KCNK2: variants seen among roughly 807,000 people sequenced by gnomAD.
The protein encoded by KCNK2 is potassium two pore domain channel subfamily K member 2.
KCNK2 carries 21 observed loss-of-function variants against 40.5 expected under a neutral mutation model. That is an observed-to-expected ratio of 0.52 (90% CI 0.37 to 0.75). The LOEUF is 0.75. Ranked by LOEUF, KCNK2 falls within the 30% of genes least tolerant of loss-of-function variation. The pLI is 0.00. For missense variants in KCNK2, 399 were observed against 531.6 expected (o/e 0.75, Z 2.45); for synonymous variants, 191 against 202.2 (o/e 0.94, Z 0.47).
chr1:215,199,185 G>A (rs1165696166), intron 6 of KCNK2, among the ~76,000 whole-genome samples: 8 of 151,950 alleles, frequency 5.3e-5, no homozygotes, highest in Admixed American at 5.2e-4. Context: ...GTGGGTGCCT[G>A]TAGTCCCAGC....
intron 1 of KCNK2, among the ~76,000 whole-genome samples, chr1:215,045,609 T>C (rs1269630220): frequency 6.6e-6 from 1 of 152,206 alleles, no homozygotes; most frequent in Non-Finnish European, 1.5e-5. Context: ...CCTTGTTTGG[T>C]TTGATAGACA....
intron 1 of KCNK2, among the ~76,000 whole-genome samples, chr1:215,077,233 G>T (rs950546273): frequency 6.6e-6 from 1 of 152,146 alleles, no homozygotes; most frequent in Non-Finnish European, 1.5e-5. Flanking sequence ...GTATGAGAAG[G>T]GGTGGTAAGT....
chr1:215,186,774 T>A (rs1664455002), intron 5 of KCNK2, among the ~76,000 whole-genome samples: 1 of 152,166 alleles, frequency 6.6e-6, no homozygotes, highest in African/African-American at 2.4e-5. Flanking sequence ...CGATGGCACT[T>A]TCTGTTCTCT....
intron 1 of KCNK2, among the ~76,000 whole-genome samples, chr1:215,044,646 TATA>T (rs1657680521): frequency 6.6e-6 from 1 of 152,144 alleles, no homozygotes. Flanking sequence ...TATCACCGGT[TATA>T]ATACCATGCA....
chr1:215,121,447 G>C (rs1231052931), intron 2 of KCNK2, among the ~76,000 whole-genome samples: 2 of 152,068 alleles, frequency 1.3e-5, no homozygotes, highest in East Asian at 3.9e-4. Flanking sequence ...CTAATTTTTT[G>C]TATTTCTTGT....
chr1:215,154,591 C>A (rs1182847779), intron 3 of KCNK2, among the ~76,000 whole-genome samples: 1 of 151,984 alleles, frequency 6.6e-6, no homozygotes, highest in Non-Finnish European at 1.5e-5. Flanking sequence ...TTAATTATAT[C>A]TCATTTGTCA....
At chr1:215,106,383 G>A (rs1282551749) in intron 2 of KCNK2, among the ~76,000 whole-genome samples, 1 of 152,016 alleles carries the variant, frequency 6.6e-6, no homozygotes, top group Admixed American at 6.6e-5. Flanking sequence ...TCCCTTGTAT[G>A]TCTTCTTTTG....
intron 6 of KCNK2, among the ~76,000 whole-genome samples, chr1:215,196,773 C>A (rs1664884645): frequency 6.6e-6 from 1 of 151,844 alleles, no homozygotes; most frequent in African/African-American, 2.4e-5. Flanking sequence ...TCATGTGTAT[C>A]TTGAGATGCT....
chr1:215,064,120 G>A (rs897263924), intron 1 of KCNK2, among the ~76,000 whole-genome samples: 11 of 151,996 alleles, frequency 7.2e-5, no homozygotes, highest in East Asian at 3.9e-4. Context: ...TTTTTTGATC[G>A]TAATAGAAGG....
At chr1:215,158,795 A>T (rs1042278494) in intron 3 of KCNK2, among the ~76,000 whole-genome samples, 5 of 152,206 alleles carry the variant, frequency 3.3e-5, no homozygotes, top group Non-Finnish European at 7.3e-5. Context: ...CCACATAGTT[A>T]TTGACCTGGA....
chr1:215,091,414 A>T (rs1178840817), intron 2 of KCNK2, among the ~76,000 whole-genome samples: 7 of 152,146 alleles, frequency 4.6e-5, no homozygotes, highest in Admixed American at 4.6e-4. Flanking sequence ...GTAGCAGAGG[A>T]TACTCGGAGC....
intron 2 of KCNK2, among the ~76,000 whole-genome samples, chr1:215,107,714 A>G (rs1317150531): frequency 6.6e-6 from 1 of 151,864 alleles, no homozygotes; most frequent in Non-Finnish European, 1.5e-5. Context: ...CTATTGAGTC[A>G]TGTGTGTTCT....
chr1:215,181,662 T>C (rs1426598728), intron 5 of KCNK2, among the ~76,000 whole-genome samples: 1 of 152,186 alleles, frequency 6.6e-6, no homozygotes, highest in Non-Finnish European at 1.5e-5. Flanking sequence ...CCTATGTACT[T>C]CTCTCAGCAG....
intron 3 of KCNK2, 123 bp from the exon 4 acceptor site, chr1:215,169,076 A>G: frequency 1.5e-6 from 1 of 649,414 alleles, no homozygotes; most frequent in East Asian, 2.8e-5. Context: ...ATACAAACGT[A>G]TTCTTAACTA....
At chr1:215,117,288 G>T (rs2102571354) in intron 2 of KCNK2, among the ~76,000 whole-genome samples, 1 of 152,108 alleles carries the variant, frequency 6.6e-6, no homozygotes, top group African/African-American at 2.4e-5. Flanking sequence ...GGATCTCTCA[G>T]ATGTATGCAA....
chr1:215,153,575 T>C (rs534042488), intron 3 of KCNK2, among the ~76,000 whole-genome samples: 11 of 149,594 alleles, frequency 7.4e-5, no homozygotes, highest in East Asian at 3.9e-4. Context: ...TATATATATA[T>C]ATATATTTTT....
At chr1:215,158,159 A>T (rs992193811) in intron 3 of KCNK2, among the ~76,000 whole-genome samples, 4 of 152,164 alleles carry the variant, frequency 2.6e-5, no homozygotes, top group African/African-American at 9.7e-5. Context: ...GAAGGGTTCT[A>T]TCAGGATCCC....
At chr1:215,160,431 A>G (rs1663141926) in intron 3 of KCNK2, among the ~76,000 whole-genome samples, 1 of 152,198 alleles carries the variant, frequency 6.6e-6, no homozygotes, top group African/African-American at 2.4e-5. Context: ...TTTGAAAATA[A>G]AAGGTGAAAC....
At chr1:215,084,974 G>A (rs1176328329) in intron 1 of KCNK2, among the ~76,000 whole-genome samples, 1 of 152,152 alleles carries the variant, frequency 6.6e-6, no homozygotes, top group Non-Finnish European at 1.5e-5. Context: ...TTTTGATGGG[G>A]AATTACAGAT....
Sources: gnomAD v4.1 joint callset for allele counts (sites outside exome capture counted in the v4.1 genomes callset) on GRCh38, gnomAD v4.1.1 for gene constraint, MANE v1.5 for transcripts, NCBI Gene and HGNC (gene_info 2026-07-23, HGNC 2026-07-21) for gene names.